The following PRKAR2B variants were observed in gnomAD, a reference collection of about 807,000 sequenced individuals.
PRKAR2B encodes cAMP-dependent protein kinase type II-beta regulatory subunit.
PRKAR2B carries 14 observed loss-of-function variants against 49.9 expected under a neutral mutation model. The ratio of observed to expected loss-of-function variants is 0.28; its 90% CI spans 0.19 to 0.44. The LOEUF (loss-of-function observed/expected upper bound fraction) is 0.44. Among genes scored for constraint, PRKAR2B ranks in the 20% least tolerant of loss-of-function variants. PRKAR2B has a pLI of 1.00. For synonymous variants in PRKAR2B, 196 were observed against 197.7 expected (o/e 0.99, Z 0.07); for missense variants, 393 against 537.9 (o/e 0.73, Z 2.67).
At chr7:107,093,503 C>T (rs1794771265) in intron 2 of PRKAR2B, among the ~76,000 whole-genome samples, 1 of 111,592 alleles carries the variant, frequency 9.0e-6, no homozygotes, top group South Asian at 3.0e-4. Flanking sequence ...CCAGTGCCCA[C>T]TTTTTTTTCT....
rs561575198 is a variant in PRKAR2B, at chr7:107,115,007, A to G, written c.344-6945A>G. On this transcript the variant is annotated intron_variant, in intron 2 of 10. Transcript: ENST00000265717. Reference sequence around the variant, plus strand: ...ATTTAGTCAAATATTTAAAATATCTAAAATGTTTATGAGACAGCAGAATAT... The same window carrying G: ...ATTTAGTCAAATATTTAAAATATCTGAAATGTTTATGAGACAGCAGAATAT... Among the ~76,000 whole-genome samples, 3 of 152,322 alleles carry G rather than the reference A, an allele frequency of 2.0e-5. No homozygotes were observed. The East Asian group carries it at 5.8e-4, about 29-fold the overall frequency.
intron 1 of PRKAR2B, among the ~76,000 whole-genome samples, chr7:107,052,297 A>C (rs1233180715): frequency 1.3e-5 from 2 of 152,090 alleles, no homozygotes; most frequent in Non-Finnish European, 2.9e-5. Flanking sequence ...CGGGCGCCTT[A>C]ATCCCAGCTG....
At position 107,090,632 on chromosome 7, in the gene PRKAR2B, C is replaced by G. The variant is rs545614782; in HGVS notation, c.343+20316C>G. On this transcript the variant is annotated intron_variant, in intron 2 of 10. Coordinates refer to ENST00000265717, the MANE Select transcript of PRKAR2B (RefSeq NM_002736.3). ...GTGTCTCTGTTGGCTCGCTGAGCTT[C>G]CTTTCCAGCCTAAGGGGACATCTGC... is the stretch of plus-strand genomic sequence containing the variant. Among the ~76,000 whole-genome samples the G allele has an allele frequency of 2.4e-4, 37 of 152,316 alleles. No homozygotes were observed. The South Asian group carries it at 7.3e-3, about 30-fold the overall frequency.
intron 2 of PRKAR2B, among the ~76,000 whole-genome samples, chr7:107,075,377 AG>A (rs1794376959): frequency 6.6e-6 from 1 of 151,434 alleles, no homozygotes; most frequent in South Asian, 2.1e-4. Context: ...CTGGGATTAT[AG>A]GTGTAAGCCA....
chr7:107,050,499 G>A lies in PRKAR2B; in HGVS notation c.307+5285G>A, dbSNP rs576131847. Among the ~76,000 whole-genome samples the A allele has an allele frequency of 7.9e-5, 12 of 152,066 alleles. No individual in the cohort carries two copies. The East Asian group carries it at 2.3e-3, about 29-fold the overall frequency. ...TCAAGATTTTGTTAACAGCTATGTT[G>A]AAAAACAATTGTGTTTCTTTTTCAG... is the stretch of plus-strand genomic sequence containing the variant. On this transcript the variant is annotated intron_variant, in intron 1 of 10. Transcript: ENST00000265717.
rs548139850 is a variant in PRKAR2B, at chr7:107,104,668, G to A, written c.344-17284G>A. 9.7e-4 allele frequency among the ~76,000 whole-genome samples: 148 copies of A among 152,262 alleles called. 4 individuals carry two copies. In the South Asian group the frequency reaches 0.028, roughly 28 times the overall value. On this transcript the variant is annotated intron_variant, in intron 2 of 10. Coordinates refer to ENST00000265717, the MANE Select transcript of PRKAR2B (RefSeq NM_002736.3). ...GCCAATGCATTTTCAAATAAATGAG[G>A]ATTATCCCTAAAACCTTGAGGGAGG...
intron 7 of PRKAR2B, among the ~76,000 whole-genome samples, chr7:107,151,702 GCA>G (rs1795991112): frequency 6.6e-6 from 1 of 152,216 alleles, no homozygotes; most frequent in African/African-American, 2.4e-5. Flanking sequence ...TCACCTGGCA[GCA>G]CAGTGCACTG....
At chr7:107,149,753 C>T (rs1001697660) in intron 6 of PRKAR2B, among the ~76,000 whole-genome samples, 1 of 152,032 alleles carries the variant, frequency 6.6e-6, no homozygotes, top group Non-Finnish European at 1.5e-5. Flanking sequence ...TAAATTCAGC[C>T]TTATTATGTT....
At chr7:107,097,435 A>G (rs1794863517) in intron 2 of PRKAR2B, among the ~76,000 whole-genome samples, 1 of 152,116 alleles carries the variant, frequency 6.6e-6, no homozygotes, top group Non-Finnish European at 1.5e-5. Flanking sequence ...TGAATACAGG[A>G]CACTGATGAA....
At chr7:107,078,268 A>G (rs1038452094) in intron 2 of PRKAR2B, 1 of 152,240 alleles carries the variant, frequency 6.6e-6, no homozygotes, top group African/African-American at 2.4e-5. Context: ...CTTGACATGA[A>G]GAGTTAGTCA....
At chr7:107,113,581 A>T (rs966205302) in intron 2 of PRKAR2B, among the ~76,000 whole-genome samples, 2 of 152,190 alleles carry the variant, frequency 1.3e-5, no homozygotes, top group African/African-American at 4.8e-5. Flanking sequence ...AGGAATTCTG[A>T]TGATTAGTCG....
At chr7:107,089,163 A>G (rs1435829766) in intron 2 of PRKAR2B, among the ~76,000 whole-genome samples, 5 of 152,122 alleles carry the variant, frequency 3.3e-5, no homozygotes, top group Non-Finnish European at 7.4e-5. Context: ...GCGAGACTCC[A>G]TCTCAAAAAC....
intron 2 of PRKAR2B, among the ~76,000 whole-genome samples, chr7:107,106,875 G>A (rs1795083258): frequency 6.6e-6 from 1 of 152,078 alleles, no homozygotes; most frequent in Non-Finnish European, 1.5e-5. Flanking sequence ...GATATCTGGT[G>A]TGGCTTCTTG....
At chr7:107,104,126 G>A (rs1795028137) in intron 2 of PRKAR2B, among the ~76,000 whole-genome samples, 1 of 152,086 alleles carries the variant, frequency 6.6e-6, no homozygotes, top group Non-Finnish European at 1.5e-5. Context: ...CCGCCTCCTG[G>A]GCTCAAGCAG....
chr7:107,096,208 G>T (rs561976743), intron 2 of PRKAR2B, among the ~76,000 whole-genome samples: 2 of 152,092 alleles, frequency 1.3e-5, no homozygotes, highest in Non-Finnish European at 2.9e-5. Context: ...TTAGGGATTC[G>T]ACTTTTTCCT....
intron 1 of PRKAR2B, among the ~76,000 whole-genome samples, chr7:107,057,391 T>C (rs1793936932): frequency 6.6e-6 from 1 of 152,154 alleles, no homozygotes; most frequent in Non-Finnish European, 1.5e-5. Context: ...CCACTAATTT[T>C]CATAAACGTG....
At chr7:107,136,419 C>G (rs551329369) in intron 4 of PRKAR2B, among the ~76,000 whole-genome samples, 60 of 152,256 alleles carry the variant, frequency 3.9e-4, no homozygotes, top group African/African-American at 1.4e-3. Flanking sequence ...GCAAAAGACA[C>G]AGCTGATAAA....
At chr7:107,137,941 C>T (rs1436686755) in intron 4 of PRKAR2B, among the ~76,000 whole-genome samples, 2 of 152,006 alleles carry the variant, frequency 1.3e-5, no homozygotes, top group African/African-American at 4.8e-5. Flanking sequence ...CTGTGCTGGG[C>T]ACTTGAGTGT....
chr7:107,073,175 T>A (rs533999829), intron 2 of PRKAR2B, among the ~76,000 whole-genome samples: 151 of 152,214 alleles, frequency 9.9e-4, no homozygotes, highest in Admixed American at 1.3e-3. Context: ...CAAACCTGAA[T>A]AATTTAAACA....
Sources: gnomAD v4.1 joint callset for allele counts (sites outside exome capture counted in the v4.1 genomes callset) on GRCh38, gnomAD v4.1.1 for gene constraint, MANE v1.5 for transcripts, NCBI Gene and HGNC (gene_info 2026-07-23, HGNC 2026-07-21) for gene names.